The following PCDH15 variants were observed in gnomAD, a reference collection of about 807,000 sequenced individuals.
PCDH15 encodes protocadherin related 15, also known as protocadherin-15.
Under a neutral mutation model 178.5 loss-of-function variants are expected in PCDH15, and 129 were observed. That is an observed-to-expected ratio of 0.72 (90% CI 0.63 to 0.84). The LOEUF is 0.84. Ranked by LOEUF, PCDH15 falls within the 40% of genes least tolerant of loss-of-function variation. The probability of loss-of-function intolerance (pLI) is 0.00; values close to 1 mark genes in which losing one functional copy is unlikely to be tolerated. For missense variants in PCDH15, 2,230 were observed against 2,099.9 expected (o/e 1.06, Z -1.21); for synonymous variants, 800 against 732.0 (o/e 1.09, Z -1.50).
At chr10:54,397,910 G>T (rs1169830626) in intron 3 of PCDH15, among the ~76,000 whole-genome samples, 2 of 151,666 alleles carry the variant, frequency 1.3e-5, no homozygotes, top group African/African-American at 4.8e-5. Context: ...TAAAAAATAG[G>T]GGCAGGTTTC....
rs754543131 is a variant in PCDH15 at position 54,020,190 on chromosome 10, A to G, written c.2751+2T>C. The G allele has an allele frequency of 3.1e-6, 5 of 1,613,216 alleles. No individual in the cohort carries two copies. In the Admixed American group the frequency reaches 6.7e-5, roughly 22 times the overall value. ...CAACCAGAAGTCATCTCTAGCCCTT[A>G]CCTTTACAATCACTGTGACAGTAGC... On this transcript the variant is annotated splice_donor_variant, in intron 20 of 37. Transcript: ENST00000644397. LOFTEE classifies it high-confidence loss of function.
At chr10:55,370,002 T>C (rs1845463623) in intron 2 of PCDH15, among the ~76,000 whole-genome samples, 1 of 151,950 alleles carries the variant, frequency 6.6e-6, no homozygotes, top group African/African-American at 2.4e-5. Context: ...AACCTAAATT[T>C]TAAATGATCA....
Position 53,961,783 on chromosome 10 carries a change from T to A in PCDH15, c.2978A>T (p.Asn993Ile), listed in dbSNP as rs141419177. 6.2e-7 allele frequency: 1 copy of A among 1,609,792 alleles called. No individual in the cohort carries two copies. Among genetic ancestry groups the A allele is most frequent in the East Asian group, 2.2e-5 (1 of 44,610 alleles). The stretch of plus-strand genomic sequence containing the variant: ...AATTGTTGTAGGTTCTTCATTAAGA[T>A]TGACTCGTGTTATTACTCTTCCAGA... ...EDSGRVITRV[N>I]LNEEPTTIFK... is the part of the protein sequence containing the mutation. Residue 993 changes from asparagine to isoleucine, a missense_variant, in exon 22 of 38, where the codon AAT becomes ATT. By Grantham distance (149) the Asn-to-Ile change is moderately radical. Coordinates refer to ENST00000644397, the MANE Select transcript of PCDH15 (RefSeq NM_001384140.1).
At position 54,218,437 on chromosome 10, in the gene PCDH15, T is replaced by A. The variant is rs1003376051; in HGVS notation, c.986-4389A>T. Reference sequence around the variant, plus strand: ...ACCATTATAGAGAGATAGACCCTTTTAAGAAGGTAATCAGATTAAATGAGT... The same window carrying A: ...ACCATTATAGAGAGATAGACCCTTTAAAGAAGGTAATCAGATTAAATGAGT... On this transcript the variant is annotated intron_variant, in intron 9 of 37. Coordinates refer to ENST00000644397, the MANE Select transcript of PCDH15 (RefSeq NM_001384140.1). Among the ~76,000 whole-genome samples, 71 of 151,980 alleles carry A rather than the reference T, an allele frequency of 4.7e-4. 1 individual carries two copies. The highest frequency in any genetic ancestry group is 2.0e-4 in the Admixed American group (3 of 15,254).
At chr10:54,063,865 C>T (rs2094082519) in intron 18 of PCDH15, among the ~76,000 whole-genome samples, 1 of 152,172 alleles carries the variant, frequency 6.6e-6, no homozygotes, top group African/African-American at 2.4e-5. Context: ...GGGCAAGAGC[C>T]TTCTGCTGTG....
chr10:55,483,302 G>C (rs1840223648), intron 2 of PCDH15, among the ~76,000 whole-genome samples: 1 of 151,594 alleles, frequency 6.6e-6, no homozygotes, highest in South Asian at 2.1e-4. Context: ...CCATAAAAAA[G>C]TGGGCAAAGT....
intron 1 of PCDH15, among the ~76,000 whole-genome samples, chr10:54,682,490 G>A (rs979068340): frequency 6.6e-6 from 1 of 152,042 alleles, no homozygotes; most frequent in Non-Finnish European, 1.5e-5. Flanking sequence ...TTATATAATG[G>A]CATTTATTGC....
intron 1 of PCDH15, among the ~76,000 whole-genome samples, chr10:55,288,689 C>T (rs1055860044): frequency 1.3e-5 from 2 of 151,874 alleles, no homozygotes; most frequent in Admixed American, 1.3e-4. Flanking sequence ...TCATCCATGT[C>T]GTTACAAATT....
At position 54,004,493 on chromosome 10, in the gene PCDH15, A is replaced by G. The variant is rs1359882226; in HGVS notation, c.2752-8728T>C. 2.0e-4 allele frequency among the ~76,000 whole-genome samples: 30 copies of G among 151,978 alleles called. 1 individual carries two copies. Among genetic ancestry groups the G allele is most frequent in the Admixed American group, 2.0e-3 (30 of 15,240 alleles). ...GATACAAAATCAACACAGAAAAATCAGTAGCATTTCTATATGCCAACAGTG... is the reference window on the plus strand; with the variant it reads ...GATACAAAATCAACACAGAAAAATCGGTAGCATTTCTATATGCCAACAGTG... On this transcript the variant is annotated intron_variant, in intron 20 of 37. Coordinates refer to ENST00000644397, the MANE Select transcript of PCDH15 (RefSeq NM_001384140.1).
At chr10:54,852,848 G>C (rs1953648136) in intron 3 of PCDH15, among the ~76,000 whole-genome samples, 1 of 102,876 alleles carries the variant, frequency 9.7e-6, no homozygotes, top group South Asian at 3.6e-4. Flanking sequence ...CTGAGACTCT[G>C]TCTCAAAAAA....
rs946744974 is a variant in PCDH15 at position 55,064,881 on chromosome 10, C to T, written c.-80+101695G>A. ...TCATTTGAGACATCATAAGCACAAA[C>T]GATTATTTTTGGGTGACTTTTTAAC... On this transcript the variant is annotated intron_variant, in intron 2 of 5. Coordinates refer to the PCDH15 transcript ENST00000458638. Among the ~76,000 whole-genome samples the T allele has an allele frequency of 4.6e-5, 7 of 152,058 alleles. No homozygotes were observed. The East Asian group carries it at 5.8e-4, about 13-fold the overall frequency.
At chr10:54,597,554 A>AAAC (rs150836629) in intron 2 of PCDH15, among the ~76,000 whole-genome samples, 5 of 151,966 alleles carry the variant, frequency 3.3e-5, no homozygotes, top group African/African-American at 7.2e-5. Context: ...AGCAAGAGAA[A>AAAC]AACAACAACA....
chr10:53,836,351 G>A (rs1031417583), intron 29 of PCDH15, among the ~76,000 whole-genome samples: 1 of 152,096 alleles, frequency 6.6e-6, no homozygotes, highest in Non-Finnish European at 1.5e-5. Context: ...CCTATTCCAT[G>A]ACCCACCTCT....
chr10:55,005,398 AT>A (rs1384171792), intron 2 of PCDH15, among the ~76,000 whole-genome samples: 1 of 152,074 alleles, frequency 6.6e-6, no homozygotes, highest in Non-Finnish European at 1.5e-5. Context: ...AATAAGGTAA[AT>A]TTGAATTCTT....
At chr10:55,465,630 G>A (rs1230553345) in intron 2 of PCDH15, among the ~76,000 whole-genome samples, 1 of 152,140 alleles carries the variant, frequency 6.6e-6, no homozygotes, top group African/African-American at 2.4e-5. Flanking sequence ...TCTCTCATAT[G>A]TCAAGATATA....
chr10:55,273,603 AC>A (rs1211115539), intron 1 of PCDH15, among the ~76,000 whole-genome samples: 1 of 152,040 alleles, frequency 6.6e-6, no homozygotes, highest in Non-Finnish European at 1.5e-5. Context: ...TACCTAAGTA[AC>A]AAAACAAATT....
chr10:55,365,899 T>C (rs1002113144), intron 2 of PCDH15, among the ~76,000 whole-genome samples: 6 of 152,070 alleles, frequency 3.9e-5, no homozygotes, highest in Admixed American at 6.6e-5. Context: ...ATACTTCCCA[T>C]TGTATCCTAT....
chr10:54,748,971 G>A (rs1945832910), intron 1 of PCDH15, among the ~76,000 whole-genome samples: 1 of 152,062 alleles, frequency 6.6e-6, no homozygotes, highest in South Asian at 2.1e-4. Flanking sequence ...GTTTCTTTGT[G>A]AATGACTGTA....
intron 1 of PCDH15, among the ~76,000 whole-genome samples, chr10:55,233,077 T>G (rs1234556075): frequency 6.6e-6 from 1 of 150,772 alleles, no homozygotes; most frequent in Non-Finnish European, 1.5e-5. Context: ...TGTCTCATAA[T>G]TTTCTTTACA....
Sources: gnomAD v4.1 joint callset for allele counts (sites outside exome capture counted in the v4.1 genomes callset) on GRCh38, gnomAD v4.1.1 for gene constraint, MANE v1.5 for transcripts, NCBI Gene and HGNC (gene_info 2026-07-23, HGNC 2026-07-21) for gene names.